SULF2: variants seen among roughly 807,000 people sequenced by gnomAD.
SULF2 encodes extracellular sulfatase Sulf-2.
In SULF2, 52 loss-of-function variants were observed where a neutral mutation model predicts 107.7. That is an observed-to-expected ratio of 0.48 (90% CI 0.39 to 0.61). The LOEUF is 0.61. Among genes scored for constraint, SULF2 ranks in the 20% least tolerant of loss-of-function variants. The pLI is 0.00. For synonymous variants in SULF2, 460 were observed against 464.3 expected, an observed-to-expected ratio of 0.99 and a Z score of 0.12; for missense variants, 993 against 1,177.3, an observed-to-expected ratio of 0.84 and a Z score of 2.29.
At chr20:47,769,359 A>AT (rs71183279) in intron 1 of SULF2, among the ~76,000 whole-genome samples, 27,087 of 128,530 alleles carry the variant, frequency 0.21, 3,222 homozygotes, top group East Asian at 0.52. Flanking sequence ...TAATTTTTGT[A>AT]TTTTTTTTTT....
chr20:47,709,252 G>T (rs1568842993), intron 3 of SULF2, among the ~76,000 whole-genome samples: 1 of 152,204 alleles, frequency 6.6e-6, no homozygotes, highest in Non-Finnish European at 1.5e-5. Context: ...ACAAGAGGAG[G>T]GGCAAGCTGG....
chr20:47,691,165 A>C (rs1036364853), intron 4 of SULF2, among the ~76,000 whole-genome samples: 10 of 152,216 alleles, frequency 6.6e-5, no homozygotes, highest in African/African-American at 2.4e-4. Flanking sequence ...GGGTGGGTAT[A>C]TCCCTAAGTC....
At chr20:47,781,385 A>C (rs955913897) in intron 1 of SULF2, among the ~76,000 whole-genome samples, 2 of 152,200 alleles carry the variant, frequency 1.3e-5, no homozygotes, top group Non-Finnish European at 2.9e-5. Context: ...TTGGGGTCTC[A>C]GCAGTCAGCC....
chr20:47,682,532 G>A (rs1309344663), intron 7 of SULF2, among the ~76,000 whole-genome samples: 16 of 152,328 alleles, frequency 1.1e-4, no homozygotes, highest in South Asian at 4.1e-4. Context: ...GGCCCACGTG[G>A]TCCTCCAGGA....
At chr20:47,778,469 G>A (rs1326718470) in intron 1 of SULF2, among the ~76,000 whole-genome samples, 4 of 152,270 alleles carry the variant, frequency 2.6e-5, no homozygotes, top group East Asian at 1.9e-4. Flanking sequence ...ACTGGGCAAC[G>A]TGTGCTTTGG....
intron 11 of SULF2, among the ~76,000 whole-genome samples, chr20:47,670,919 C>T (rs960476990): frequency 1.3e-5 from 2 of 152,068 alleles, no homozygotes; most frequent in South Asian, 2.1e-4. Context: ...TCTCATTAGG[C>T]TTTGGCTGTC....
chr20:47,774,008 C>G (rs1418116253), intron 1 of SULF2, among the ~76,000 whole-genome samples: 1 of 152,250 alleles, frequency 6.6e-6, no homozygotes, highest in Non-Finnish European at 1.5e-5. Flanking sequence ...CGTCCTCAGC[C>G]AGCTTGCCCC....
Position 47,677,096 on chromosome 20 carries a change from G to A in SULF2, c.1232C>T (p.Ser411Phe). The A allele has an allele frequency of 6.2e-7, 1 of 1,613,134 alleles. No homozygotes were observed. Among genetic ancestry groups the A allele is most frequent in the Non-Finnish European group, 8.5e-7 (1 of 1,179,786 alleles). Residue 411 changes from serine to phenylalanine, a missense_variant, in exon 9 of 21, where the codon TCC becomes TTC. Coordinates refer to ENST00000688720, the MANE Select transcript of SULF2 (RefSeq NM_001387048.1). ...CACTCACCCTCTCTCCACCAAGAAG[G>A]AGTCCCGCCAGACCCTCATCTTCTT... Reference protein sequence around the residue: ...LKKKMRVWRDSFLVERGKLLH... With the variant: ...LKKKMRVWRDFFLVERGKLLH...
intron 1 of SULF2, among the ~76,000 whole-genome samples, chr20:47,775,416 A>T (rs2090706988): frequency 6.6e-6 from 1 of 152,210 alleles, no homozygotes; most frequent in African/African-American, 2.4e-5. Context: ...CTGATATCAC[A>T]TGAAGCTGAA....
At chr20:47,707,644 A>G (rs900413237) in intron 3 of SULF2, among the ~76,000 whole-genome samples, 2 of 152,046 alleles carry the variant, frequency 1.3e-5, no homozygotes, top group South Asian at 4.2e-4. Context: ...CCAGCACTCA[A>G]TTCCTCCCCT....
chr20:47,780,866 C>T (rs2090819996), intron 1 of SULF2, among the ~76,000 whole-genome samples: 1 of 152,174 alleles, frequency 6.6e-6, no homozygotes, highest in Admixed American at 6.5e-5. Context: ...GAGCATTTTC[C>T]CCGCCTTCTG....
chr20:47,672,489 C>G, intron 10 of SULF2, 96 bp from the exon 11 acceptor site: 1 of 1,451,702 alleles, frequency 6.9e-7, no homozygotes, highest in Non-Finnish European at 9.1e-7. Context: ...ACATCCCTCT[C>G]CCTGCTTGCA....
At chr20:47,682,896 G>C (rs1490272326) in intron 7 of SULF2, 98 bp downstream of exon 7, 2 of 1,256,048 alleles carry the variant, frequency 1.6e-6, no homozygotes, top group Non-Finnish European at 2.2e-6. Flanking sequence ...TGCGAAAACT[G>C]TGTGCCACCC....
chr20:47,702,176 G>C (rs1030671753), intron 4 of SULF2, among the ~76,000 whole-genome samples: 1 of 152,120 alleles, frequency 6.6e-6, no homozygotes, highest in African/African-American at 2.4e-5. Context: ...TCCCATTTCA[G>C]CCTCTCTAGT....
intron 3 of SULF2, among the ~76,000 whole-genome samples, chr20:47,718,405 G>C (rs1362215394): frequency 1.3e-5 from 2 of 152,214 alleles, no homozygotes; most frequent in African/African-American, 4.8e-5. Context: ...GGACTCCTGT[G>C]TGGCTGGGAT....
chr20:47,672,177 C>T, intron 11 of SULF2, 21 bp downstream of exon 11: 1 of 1,587,278 alleles, frequency 6.3e-7, no homozygotes, highest in Non-Finnish European at 8.6e-7. Flanking sequence ...CTGTCCCACT[C>T]AGCCAGGTTG....
chr20:47,658,315 A>C lies in SULF2; in HGVS notation c.*47T>G. The C allele has an allele frequency of 1.2e-6, 2 of 1,604,092 alleles. No homozygotes were observed. Among genetic ancestry groups the C allele is most frequent in the Non-Finnish European group, 8.5e-7 (1 of 1,170,826 alleles). On this transcript the variant is annotated 3_prime_UTR_variant, in exon 21 of 21. Transcript: ENST00000688720. ...CCACATGGTTTTTCATTGCCTGTGCAGTCAGGTGATGCCTCTATGTTTTTG... is the reference window on the plus strand; with the variant it reads ...CCACATGGTTTTTCATTGCCTGTGCCGTCAGGTGATGCCTCTATGTTTTTG...
intron 3 of SULF2, among the ~76,000 whole-genome samples, chr20:47,726,610 A>G (rs1215183781): frequency 2.0e-5 from 3 of 152,244 alleles, no homozygotes; most frequent in Non-Finnish European, 2.9e-5. Flanking sequence ...TACCTGAACC[A>G]TGGCTAGTGC....
chr20:47,714,738 C>T (rs1168862864), intron 3 of SULF2, among the ~76,000 whole-genome samples: 1 of 152,196 alleles, frequency 6.6e-6, no homozygotes, highest in Non-Finnish European at 1.5e-5. Context: ...TCCGTGACTG[C>T]ATCTGCCCCC....
Sources: gnomAD v4.1 joint callset for allele counts (sites outside exome capture counted in the v4.1 genomes callset) on GRCh38, gnomAD v4.1.1 for gene constraint, MANE v1.5 for transcripts, NCBI Gene and HGNC (gene_info 2026-07-23, HGNC 2026-07-21) for gene names.